Variants in IQCH observed in about 807,000 individuals in gnomAD.
The protein encoded by IQCH is IQ motif containing H.
In IQCH, 98 loss-of-function variants were observed where a neutral mutation model predicts 117.0. The observed-to-expected ratio is 0.84, with a 90% CI of 0.71 to 0.99. The LOEUF (loss-of-function observed/expected upper bound fraction) is 0.99. IQCH is among the 50% of genes least tolerant of loss of function. IQCH has a pLI of 0.00. For synonymous variants in IQCH, 412 were observed against 448.2 expected (o/e 0.92, Z 1.02); for missense variants, 1,102 against 1,243.8 (o/e 0.89, Z 1.72).
rs2082839068 is a variant in IQCH at position 67,463,134 on chromosome 15, C to T, written c.2506-1993C>T. The stretch of plus-strand genomic sequence containing the variant: ...ACTGCTAGATTTGTTTGACAGGAGT[C>T]CACTCTAGGGCAGATGTATTATGTA... On this transcript the variant is annotated intron_variant, in intron 16 of 20. Transcript: ENST00000335894. This position sits in a 1 kb window ranked among gnomAD's most constrained non-coding sequence, Gnocchi z 4.0. 6.6e-6 allele frequency among the ~76,000 whole-genome samples: 1 copy of T among 152,110 alleles called. No individual in the cohort carries two copies. The highest frequency in any genetic ancestry group is 6.5e-5 in the Admixed American group (1 of 15,272).
At chr15:67,289,523 CAT>C (rs1351549949) in intron 4 of IQCH, among the ~76,000 whole-genome samples, 1 of 152,056 alleles carries the variant, frequency 6.6e-6, no homozygotes, top group African/African-American at 2.4e-5. Context: ...TTACACCATT[CAT>C]TGAGATGGGA....
rs1365194905 is a variant in IQCH, at chr15:67,369,777, ATGCAC to A, written c.754-2330_754-2326del. ...CTGCTCAATGGATCTCACAATGCTG[ATGCAC>A]TGCTTTAATTTGGGAAGCCTTTCTC... is the stretch of plus-strand genomic sequence containing the variant. On this transcript the variant is annotated intron_variant, in intron 8 of 20. Transcript: ENST00000335894. This position sits in a 1 kb window ranked among gnomAD's most constrained non-coding sequence, Gnocchi z 5.2. 6.6e-6 allele frequency among the ~76,000 whole-genome samples: 1 copy of A among 152,178 alleles called. No individual in the cohort carries two copies. Among genetic ancestry groups the A allele is most frequent in the Non-Finnish European group, 1.5e-5 (1 of 68,032 alleles).
intron 4 of IQCH, among the ~76,000 whole-genome samples, chr15:67,315,566 A>G (rs1025642759): frequency 1.5e-4 from 23 of 152,302 alleles, no homozygotes; most frequent in African/African-American, 5.3e-4. Flanking sequence ...TTCAGTATAG[A>G]GAAATTAAGT....
chr15:67,321,395 A>G (rs543092477), intron 4 of IQCH, among the ~76,000 whole-genome samples: 1 of 152,178 alleles, frequency 6.6e-6, no homozygotes, highest in South Asian at 2.1e-4. Context: ...AGCTCTGCAA[A>G]TTATGATCCC....
At position 67,463,440 on chromosome 15, in the gene IQCH, C is replaced by G. The variant is rs935989216; in HGVS notation, c.2506-1687C>G. Among the ~76,000 whole-genome samples the G allele has an allele frequency of 6.6e-6, 1 of 152,148 alleles. No individual in the cohort carries two copies. The highest frequency in any genetic ancestry group is 1.5e-5 in the Non-Finnish European group (1 of 68,048). On this transcript the variant is annotated intron_variant, in intron 16 of 20. Coordinates refer to ENST00000335894, the MANE Select transcript of IQCH (RefSeq NM_001031715.3). This position sits in a 1 kb window ranked among gnomAD's most constrained non-coding sequence, Gnocchi z 4.0. ...GGATAAGGATTGGCTGGGCCAGAAT[C>G]AGGGAATGGGAAGAAGGTAGACTTG...
intron 13 of IQCH, among the ~76,000 whole-genome samples, chr15:67,398,999 A>G (rs1336795298): frequency 1.3e-5 from 2 of 152,180 alleles, no homozygotes; most frequent in Admixed American, 6.5e-5. Context: ...TCATCTTGCT[A>G]TAGACTTTTA....
intron 4 of IQCH, among the ~76,000 whole-genome samples, chr15:67,329,872 ATG>A (rs145137972): frequency 4.0e-5 from 6 of 151,642 alleles, no homozygotes; most frequent in Admixed American, 2.0e-4. Flanking sequence ...TGAATTATAT[ATG>A]TGTGTGTGTG....
chr15:67,296,457 G>A (rs781522353), intron 4 of IQCH, among the ~76,000 whole-genome samples: 2 of 152,090 alleles, frequency 1.3e-5, no homozygotes, highest in African/African-American at 2.4e-5. Flanking sequence ...GTCAGATTAC[G>A]CCACCCTAAG....
intron 4 of IQCH, among the ~76,000 whole-genome samples, chr15:67,299,420 A>G (rs1302992138): frequency 6.6e-6 from 1 of 152,150 alleles, no homozygotes; most frequent in Non-Finnish European, 1.5e-5. Flanking sequence ...TGTACATTTA[A>G]AAATAAAAGT....
At chr15:67,286,107 T>G (rs988347448) in intron 4 of IQCH, among the ~76,000 whole-genome samples, 1 of 152,232 alleles carries the variant, frequency 6.6e-6, no homozygotes, top group Non-Finnish European at 1.5e-5. Context: ...CCTTTTCAAT[T>G]TCTTCCATTA....
intron 17 of IQCH, among the ~76,000 whole-genome samples, chr15:67,470,461 A>G (rs2083045110): frequency 6.6e-6 from 1 of 152,182 alleles, no homozygotes; most frequent in Non-Finnish European, 1.5e-5. Flanking sequence ...TACAGGCGTG[A>G]GCCACTGCGC....
Position 67,427,671 on chromosome 15 carries a change from T to C in IQCH, c.2505+6094T>C, listed in dbSNP as rs904878616. On this transcript the variant is annotated intron_variant, in intron 16 of 20. Transcript: ENST00000335894. The surrounding 1 kb of genome is among the most constrained non-coding windows in gnomAD (Gnocchi z 4.7). ...TTATTTCAATAACATTTTAAAGCAC[T>C]TATTTTCTGTATCAGCAAATTCAAA... Among the ~76,000 whole-genome samples, 1 of 152,228 alleles carries C rather than the reference T, an allele frequency of 6.6e-6. No individual in the cohort carries two copies. The highest frequency in any genetic ancestry group is 1.5e-5 in the Non-Finnish European group (1 of 68,044).
chr15:67,255,003 A>C (rs1308759981), intron 1 of IQCH, 56 bp downstream of exon 1: 1 of 1,550,242 alleles, frequency 6.5e-7, no homozygotes, highest in African/African-American at 1.4e-5. Flanking sequence ...CTTCCGAGCG[A>C]GGTCCCGCGC....
At position 67,390,879 on chromosome 15, in the gene IQCH, T is replaced by G. The variant is rs1971263398; in HGVS notation, c.1632+1873T>G. Among the ~76,000 whole-genome samples the G allele has an allele frequency of 6.6e-6, 1 of 152,132 alleles. No individual in the cohort carries two copies. Among genetic ancestry groups the G allele is most frequent in the African/African-American group, 2.4e-5 (1 of 41,438 alleles). On this transcript the variant is annotated intron_variant, in intron 12 of 20. Transcript: ENST00000335894. This position sits in a 1 kb window ranked among gnomAD's most constrained non-coding sequence, Gnocchi z 5.0. ...CGTTTATGGCTGAGGAAACCAAGACTCATTTTCTAGTCCAAGGTTACTAGT... is the reference window on the plus strand; with the variant it reads ...CGTTTATGGCTGAGGAAACCAAGACGCATTTTCTAGTCCAAGGTTACTAGT...
rs1231909195 is a variant in IQCH at position 67,436,618 on chromosome 15, G to A, written c.2505+15041G>A. The stretch of plus-strand genomic sequence containing the variant: ...TCCGGTGTGCAGACTCCATAGGCAG[G>A]GGAAGAACCAAGCCCTTTTCTTTCT... On this transcript the variant is annotated intron_variant, in intron 16 of 20. Coordinates refer to ENST00000335894, the MANE Select transcript of IQCH (RefSeq NM_001031715.3). The surrounding 1 kb of genome is among the most constrained non-coding windows in gnomAD (Gnocchi z 5.1). Among the ~76,000 whole-genome samples, 1 of 152,160 alleles carries A rather than the reference G, an allele frequency of 6.6e-6. No individual in the cohort carries two copies. The highest frequency in any genetic ancestry group is 1.5e-5 in the Non-Finnish European group (1 of 68,030).
chr15:67,307,206 A>G (rs1288087107), intron 4 of IQCH: 2 of 848,022 alleles, frequency 2.4e-6, no homozygotes, highest in Non-Finnish European at 2.9e-6. Flanking sequence ...AAATAAATAT[A>G]TATATAATGC....
chr15:67,383,290 G>A (rs893543646), intron 10 of IQCH, among the ~76,000 whole-genome samples: 2 of 152,138 alleles, frequency 1.3e-5, no homozygotes, highest in African/African-American at 4.8e-5. Context: ...ATTCTATGTA[G>A]ACATTTTATA....
intron 4 of IQCH, among the ~76,000 whole-genome samples, chr15:67,287,889 TTCCC>T (rs916353724): frequency 6.6e-6 from 1 of 152,044 alleles, no homozygotes; most frequent in African/African-American, 2.4e-5. Flanking sequence ...AGCTATAAAC[TTCCC>T]TCTTAGCATT....
intron 13 of IQCH, among the ~76,000 whole-genome samples, chr15:67,398,782 G>C (rs1971547919): frequency 6.6e-6 from 1 of 152,012 alleles, no homozygotes; most frequent in Non-Finnish European, 1.5e-5. Context: ...GAGGATAAGA[G>C]TGTCACAGAA....
Sources: gnomAD v4.1 joint callset for allele counts (sites outside exome capture counted in the v4.1 genomes callset) on GRCh38, gnomAD v4.1.1 for gene constraint, Gnocchi (gnomAD v3.1) non-coding constraint, MANE v1.5 for transcripts, NCBI Gene and HGNC (gene_info 2026-07-23, HGNC 2026-07-21) for gene names.